LINGO2: variants seen among roughly 807,000 people sequenced by gnomAD.
LINGO2 encodes leucine rich repeat and Ig domain containing 2, also known as leucine-rich repeat and immunoglobulin-like domain-containing nogo receptor-interacting protein 2.
A neutral mutation model predicts 30.6 loss-of-function variants in LINGO2; 14 were observed. That is an observed-to-expected ratio of 0.46 (90% confidence interval 0.30 to 0.72). LINGO2 has a LOEUF of 0.72. Among genes scored for constraint, LINGO2 ranks in the 30% least tolerant of loss-of-function variants. The probability of loss-of-function intolerance (pLI) is 0.07; values close to 1 mark genes in which losing one functional copy is unlikely to be tolerated. For missense variants in LINGO2, 729 were observed against 751.7 expected, an observed-to-expected ratio of 0.97 and a Z score of 0.35; for synonymous variants, 317 against 288.5, an observed-to-expected ratio of 1.10 and a Z score of -1.00.
chr9:28,077,039 C>T (rs911028873), intron 4 of LINGO2, among the ~76,000 whole-genome samples: 10 of 152,044 alleles, frequency 6.6e-5, no homozygotes, highest in African/African-American at 9.7e-5. Flanking sequence ...AACATTTTGA[C>T]GTGACTTAAT....
intron 1 of LINGO2, among the ~76,000 whole-genome samples, chr9:28,647,593 A>G (rs1206012034): frequency 6.6e-6 from 1 of 152,124 alleles, no homozygotes; most frequent in African/African-American, 2.4e-5. Flanking sequence ...ATTAAAAAGA[A>G]TGTGGAATGT....
intron 1 of LINGO2, among the ~76,000 whole-genome samples, chr9:28,501,681 T>G (rs1290019634): frequency 1.3e-5 from 2 of 152,074 alleles, no homozygotes; most frequent in Non-Finnish European, 2.9e-5. Flanking sequence ...GAGGCATACC[T>G]AAGAAACACA....
At chr9:28,629,312 T>G (rs893053693) in intron 1 of LINGO2, among the ~76,000 whole-genome samples, 6 of 152,156 alleles carry the variant, frequency 3.9e-5, no homozygotes, top group Admixed American at 3.9e-4. Flanking sequence ...TAAACTGTGC[T>G]GAGCTACTTA....
intron 2 of LINGO2, among the ~76,000 whole-genome samples, chr9:28,404,601 G>T (rs893759772): frequency 6.6e-6 from 1 of 152,144 alleles, no homozygotes; most frequent in Non-Finnish European, 1.5e-5. Flanking sequence ...CTAAAGCTTG[G>T]CTAGTGAGAG....
At chr9:28,100,740 C>A (rs1274140961) in intron 4 of LINGO2, among the ~76,000 whole-genome samples, 2 of 151,950 alleles carry the variant, frequency 1.3e-5, no homozygotes, top group African/African-American at 2.4e-5. Flanking sequence ...CCATCCTCCA[C>A]TTTGAATTGT....
At position 28,082,175 on chromosome 9, in the gene LINGO2, G is replaced by GCAAAA. The variant is rs202092545; in HGVS notation, c.-86-69775_-86-69771dup. Among the ~76,000 whole-genome samples, 1,142 of 152,112 alleles carry GCAAAA rather than the reference G, an allele frequency of 7.5e-3. 14 individuals carry two copies. Among genetic ancestry groups the GCAAAA allele is most frequent in the African/African-American group, 0.022 (928 of 41,484 alleles). ...CCTTGGATTTTGAAGCCCATCAAAG[G>GCAAAA]CAAAACAAAACAAAACAAAAATCAC... On this transcript the variant is annotated intron_variant, in intron 4 of 5. Transcript: ENST00000379992.
chr9:29,163,887 C>T, the LINGO2 span, among the ~76,000 whole-genome samples: 2 of 152,108 alleles, frequency 1.3e-5, no homozygotes, highest in African/African-American at 4.8e-5. Context: ...CTGTTAACTG[C>T]TAATCAAAGG....
intron 4 of LINGO2, among the ~76,000 whole-genome samples, chr9:28,142,970 A>C (rs2133503813): frequency 6.6e-6 from 1 of 152,252 alleles, no homozygotes; most frequent in East Asian, 1.9e-4. Context: ...GAGTTTTGTT[A>C]TTGAAAAGTC....
chr9:28,761,094 T>C, the LINGO2 span, among the ~76,000 whole-genome samples: 1 of 151,792 alleles, frequency 6.6e-6, no homozygotes, highest in Non-Finnish European at 1.5e-5. Context: ...CTTTTTCGAA[T>C]AATGACTTCT....
At chr9:28,199,661 A>G (rs1233092138) in intron 4 of LINGO2, among the ~76,000 whole-genome samples, 1 of 152,056 alleles carries the variant, frequency 6.6e-6, no homozygotes, top group Non-Finnish European at 1.5e-5. Context: ...TAGGTGGCTC[A>G]GCTTGCTTCT....
intron 1 of LINGO2, among the ~76,000 whole-genome samples, chr9:28,515,787 C>T (rs1820597477): frequency 6.6e-6 from 1 of 152,108 alleles, no homozygotes; most frequent in African/African-American, 2.4e-5. Flanking sequence ...AAAGCAATGG[C>T]AGGTTTTGAG....
chr9:29,161,006 AAG>A, the LINGO2 span, among the ~76,000 whole-genome samples: 1 of 152,138 alleles, frequency 6.6e-6, no homozygotes, highest in Non-Finnish European at 1.5e-5. Flanking sequence ...CGCCCAAAGA[AAG>A]AGAGAGAACC....
At chr9:28,575,793 G>A (rs2060040436) in intron 1 of LINGO2, among the ~76,000 whole-genome samples, 1 of 152,130 alleles carries the variant, frequency 6.6e-6, no homozygotes, top group African/African-American at 2.4e-5. Flanking sequence ...ATTATCTTCT[G>A]TACCATTTGC....
intron 4 of LINGO2, among the ~76,000 whole-genome samples, chr9:28,156,964 T>G (rs1390207334): frequency 6.6e-6 from 1 of 152,300 alleles, no homozygotes. Flanking sequence ...TGGCTGCCTT[T>G]GTGGGCTGGT....
chr9:28,757,849 C>T, the LINGO2 span, among the ~76,000 whole-genome samples: 1 of 151,982 alleles, frequency 6.6e-6, no homozygotes, highest in African/African-American at 2.4e-5. Flanking sequence ...ATGGGCTTTC[C>T]CAGATAACTC....
At chr9:28,994,454 T>TAC in the LINGO2 span, among the ~76,000 whole-genome samples, 2 of 151,566 alleles carry the variant, frequency 1.3e-5, no homozygotes, top group Non-Finnish European at 2.9e-5. Flanking sequence ...CAAGGTAATT[T>TAC]ATGGATTCAA....
the LINGO2 span, among the ~76,000 whole-genome samples, chr9:29,206,571 T>C: frequency 7.3e-4 from 111 of 152,276 alleles, no homozygotes; most frequent in Non-Finnish European, 1.4e-3. Flanking sequence ...TCCCCCTGCA[T>C]GAATCTTTTT....
chr9:28,887,603 G>A, the LINGO2 span, among the ~76,000 whole-genome samples: 1 of 152,030 alleles, frequency 6.6e-6, no homozygotes, highest in African/African-American at 2.4e-5. Flanking sequence ...CAAGCTACTG[G>A]AAATAAAATA....
the LINGO2 span, among the ~76,000 whole-genome samples, chr9:28,900,222 C>T: frequency 6.6e-6 from 1 of 152,288 alleles, no homozygotes; most frequent in East Asian, 1.9e-4. Context: ...CCAGGCCAGT[C>T]CCCACGGTTC....
Sources: allele counts gnomAD v4.1 joint callset (sites outside exome capture counted in the v4.1 genomes callset), GRCh38; gene constraint gnomAD v4.1.1; transcripts MANE v1.5; gene names NCBI Gene and HGNC (gene_info 2026-07-23, HGNC 2026-07-21).